Variants in BTNL8 observed in about 807,000 individuals in gnomAD.
BTNL8 encodes the protein butyrophilin like 8, also known as butyrophilin-like protein 8.
BTNL8 carries 22 observed loss-of-function variants against 36.1 expected under a neutral mutation model. The observed-to-expected ratio is 0.61, with a 90% confidence interval of 0.44 to 0.87. The LOEUF is 0.87. BTNL8 is among the 40% of genes least tolerant of loss of function. The pLI is 0.00. For synonymous variants in BTNL8, 203 were observed against 235.6 expected, an observed-to-expected ratio of 0.86 and a Z score of 1.27; for missense variants, 526 against 616.9, an observed-to-expected ratio of 0.85 and a Z score of 1.56.
At chr5:180,938,827 G>C (rs192407898) in intron 3 of BTNL8, among the ~76,000 whole-genome samples, 1 of 151,806 alleles carries the variant, frequency 6.6e-6, no homozygotes, top group African/African-American at 2.4e-5. Flanking sequence ...TGCTGGAAGG[G>C]AAAAAAAGCC....
chr5:180,919,268 T>C (rs1469880522), intron 3 of BTNL8, among the ~76,000 whole-genome samples: 2 of 152,238 alleles, frequency 1.3e-5, no homozygotes, highest in African/African-American at 4.8e-5. Flanking sequence ...TGCTCAGTTG[T>C]TCCTGAACTC....
At chr5:180,939,563 A>G (rs1758825551) in intron 3 of BTNL8, among the ~76,000 whole-genome samples, 1 of 152,208 alleles carries the variant, frequency 6.6e-6, no homozygotes, top group Non-Finnish European at 1.5e-5. Flanking sequence ...TAAAGCAAAT[A>G]TTACTAGATC....
chr5:180,944,264 C>T (rs144565047), intron 3 of BTNL8, among the ~76,000 whole-genome samples: 5 of 152,160 alleles, frequency 3.3e-5, no homozygotes, highest in Middle Eastern at 3.4e-3. Context: ...TGTTGCATAG[C>T]AAAGTGACTA....
intron 3 of BTNL8, among the ~76,000 whole-genome samples, chr5:180,940,295 T>C (rs1267054811): frequency 6.7e-6 from 1 of 150,272 alleles, no homozygotes; most frequent in Non-Finnish European, 1.5e-5. Context: ...GCTGAGATCA[T>C]GCTGCTGCAC....
At chr5:180,927,998 T>G (rs1288191791) in intron 3 of BTNL8, among the ~76,000 whole-genome samples, 1 of 151,724 alleles carries the variant, frequency 6.6e-6, no homozygotes, top group African/African-American at 2.4e-5. Context: ...ACAAAGATAC[T>G]CCTTGAGAAG....
rs1758634379 is a variant in BTNL8 at position 180,935,937 on chromosome 5, T to A, written c.674-11575T>A. ...CTTATAACTTTTTTTTTTTTTGGTG[T>A]CTTGCTCTGTCGCCAGGCTGGAGTG... On this transcript the variant is annotated intron_variant, in intron 3 of 7. Transcript: ENST00000340184. This position sits in a 1 kb window ranked among gnomAD's most constrained non-coding sequence, Gnocchi z 4.8. Among the ~76,000 whole-genome samples, 1 of 151,908 alleles carries A rather than the reference T, an allele frequency of 6.6e-6. No homozygotes were observed. The highest frequency in any genetic ancestry group is 2.1e-4 in the South Asian group (1 of 4,820).
rs370167264 is a variant in BTNL8 at position 180,911,435 on chromosome 5, C to T, written c.494C>T (p.Ala165Val). 144 of 1,614,064 alleles carry T rather than the reference C, an allele frequency of 8.9e-5. No individual in the cohort carries two copies. Among genetic ancestry groups the T allele is most frequent in the Non-Finnish European group, 1.1e-4 (129 of 1,180,048 alleles). Residue 165 changes from alanine (A) to valine (V), a missense_variant, in exon 3 of 8, where the codon GCG (alanine) becomes GTG (valine). Ala to Val is a moderately conservative substitution (Grantham distance 64). This residue lies in a region of BTNL8 where 350 missense variants were observed against 324.6 expected (regional missense o/e 1.08). Coordinates refer to ENST00000340184, the MANE Select transcript of BTNL8 (RefSeq NM_001040462.3). ...QSSGWFPRPT[A>V]KWKGPQGQDL... ...TCGGGCTGGTTCCCCCGGCCCACAG[C>T]GAAGTGGAAAGGTCCACAAGGACAG... is the stretch of plus-strand genomic sequence containing the variant.
intron 3 of BTNL8, among the ~76,000 whole-genome samples, chr5:180,943,054 T>C (rs1035736992): frequency 1.3e-5 from 2 of 150,552 alleles, no homozygotes; most frequent in Non-Finnish European, 2.9e-5. Flanking sequence ...TAGGTATTCA[T>C]ATCCAGGATA....
rs1216381613 is a variant in BTNL8 at position 180,911,320 on chromosome 5, T to A, written c.398-19T>A. On this transcript the variant is annotated intron_variant, in intron 2 of 7. Transcript: ENST00000340184. ...GGGATGTGATCTTTGCTTTCAACCG[T>A]TCCCTGTTTTCTCCCCAGCACTGGG... 6.2e-7 allele frequency: 1 copy of A among 1,612,492 alleles called. No homozygotes were observed. Among genetic ancestry groups the A allele is most frequent in the African/African-American group, 1.3e-5 (1 of 75,004 alleles).
intron 3 of BTNL8, among the ~76,000 whole-genome samples, chr5:180,942,028 T>C (rs1299108486): frequency 6.6e-6 from 1 of 151,942 alleles, no homozygotes; most frequent in Admixed American, 6.6e-5. Context: ...GACAACATGA[T>C]CTTTATATAA....
chr5:180,901,811 T>C (rs1756832676), intron 1 of BTNL8, among the ~76,000 whole-genome samples: 1 of 151,914 alleles, frequency 6.6e-6, no homozygotes, highest in South Asian at 2.1e-4. Flanking sequence ...TAAAATAAAG[T>C]GGAAAAAATT....
chr5:180,916,914 A>C (rs1309454776), intron 3 of BTNL8, among the ~76,000 whole-genome samples: 1 of 152,264 alleles, frequency 6.6e-6, no homozygotes, highest in African/African-American at 2.4e-5. Flanking sequence ...GATCACGAGT[A>C]ACTGAAATCA....
chr5:180,911,180 C>T (rs1385908770), intron 2 of BTNL8, among the ~76,000 whole-genome samples, 159 bp from the exon 3 acceptor site: 1 of 152,168 alleles, frequency 6.6e-6, no homozygotes, highest in Non-Finnish European at 1.5e-5. Context: ...TGGCAACGAA[C>T]AGAGGCCATG....
intron 1 of BTNL8, chr5:180,902,523 T>C (rs747933864): frequency 1.6e-5 from 15 of 962,192 alleles, no homozygotes; most frequent in Admixed American, 8.1e-5. Flanking sequence ...AAGGGTTTTT[T>C]TTTTTGTTTT....
At chr5:180,900,482 A>G (rs146956000) in intron 1 of BTNL8, among the ~76,000 whole-genome samples, 73 of 152,280 alleles carry the variant, frequency 4.8e-4, no homozygotes, top group African/African-American at 1.7e-3. Flanking sequence ...CAAGGGAAGG[A>G]AGTGGAAGGA....
intron 3 of BTNL8, among the ~76,000 whole-genome samples, chr5:180,922,191 C>T (rs1284743610): frequency 6.6e-6 from 1 of 151,982 alleles, no homozygotes; most frequent in Non-Finnish European, 1.5e-5. Context: ...TCTCAATCTC[C>T]TTCAGTTCAG....
intron 3 of BTNL8, among the ~76,000 whole-genome samples, chr5:180,921,063 C>T (rs1444365254): frequency 6.6e-6 from 1 of 151,966 alleles, no homozygotes; most frequent in Non-Finnish European, 1.5e-5. Flanking sequence ...TAGATAAACC[C>T]TAAAGATTCC....
At chr5:180,919,175 G>C (rs1461848790) in intron 3 of BTNL8, among the ~76,000 whole-genome samples, 1 of 152,198 alleles carries the variant, frequency 6.6e-6, no homozygotes, top group Non-Finnish European at 1.5e-5. Context: ...GATGCTATAT[G>C]ATAGTCCAGT....
chr5:180,915,219 C>T (rs1757572301), intron 3 of BTNL8, among the ~76,000 whole-genome samples: 1 of 152,192 alleles, frequency 6.6e-6, no homozygotes, highest in Admixed American at 6.5e-5. Context: ...ATATGTGCCC[C>T]CAGCCCTCCA....
Sources: allele counts gnomAD v4.1 joint callset (sites outside exome capture counted in the v4.1 genomes callset), GRCh38; gene constraint gnomAD v4.1.1; regional missense constraint gnomAD v4.1.1; non-coding constraint Gnocchi (gnomAD v3.1); transcripts MANE v1.5; gene names NCBI Gene and HGNC (gene_info 2026-07-23, HGNC 2026-07-21).